CEP192: variants seen among roughly 807,000 people sequenced by gnomAD.
CEP192 encodes the protein centrosomal protein 192.
CEP192 carries 151 observed loss-of-function variants against 271.8 expected under a neutral mutation model. That is an observed-to-expected ratio of 0.56 (90% CI 0.49 to 0.64). CEP192 has a LOEUF of 0.64. Among genes scored for constraint, CEP192 ranks in the 30% least tolerant of loss-of-function variants. The probability of loss-of-function intolerance (pLI) is 0.00; values close to 1 mark genes in which losing one functional copy is unlikely to be tolerated. For synonymous variants in CEP192, 995 were observed against 1,076.5 expected, an observed-to-expected ratio of 0.92 and a Z score of 1.48; for missense variants, 2,910 against 3,020.5, an observed-to-expected ratio of 0.96 and a Z score of 0.86.
intron 42 of CEP192, among the ~76,000 whole-genome samples, chr18:13,115,474 T>G (rs1436171387): frequency 1.3e-5 from 2 of 152,020 alleles, no homozygotes; most frequent in African/African-American, 4.8e-5. Context: ...AGGTGTTTGC[T>G]TTTCTGGAGA....
chr18:13,006,374 A>G (rs2033980398), intron 3 of CEP192, among the ~76,000 whole-genome samples: 10 of 152,000 alleles, frequency 6.6e-5, no homozygotes. Flanking sequence ...TCTTTCAACC[A>G]AACGTGGATG....
intron 30 of CEP192, among the ~76,000 whole-genome samples, chr18:13,080,177 G>A (rs1230023095): frequency 6.6e-6 from 1 of 152,176 alleles, no homozygotes; most frequent in Non-Finnish European, 1.5e-5. Flanking sequence ...TGTGAAGAAA[G>A]TCACTGGTAG....
chr18:13,093,116 G>C (rs1193000555), intron 34 of CEP192, among the ~76,000 whole-genome samples: 1 of 152,076 alleles, frequency 6.6e-6, no homozygotes, highest in Non-Finnish European at 1.5e-5. Context: ...CCAAGATGGG[G>C]ACATTGCATT....
intron 24 of CEP192, 145 bp downstream of exon 24, chr18:13,068,567 A>T: frequency 1.3e-6 from 1 of 771,002 alleles, no homozygotes; most frequent in Non-Finnish European, 2.1e-6. Context: ...GGCAGATGGC[A>T]TGCTGTTTTG....
intron 30 of CEP192, among the ~76,000 whole-genome samples, chr18:13,074,026 A>C (rs2038145806): frequency 6.6e-6 from 1 of 152,218 alleles, no homozygotes; most frequent in African/African-American, 2.4e-5. Context: ...AAAGTGATAA[A>C]TCATAGAGGA....
chr18:13,050,696 C>T (rs992571025), intron 17 of CEP192, among the ~76,000 whole-genome samples: 15 of 152,074 alleles, frequency 9.9e-5, no homozygotes, highest in African/African-American at 3.4e-4. Flanking sequence ...TCTCCTGCCT[C>T]GGTCTCCCGA....
chr18:13,117,757 A>G (rs1187475090), intron 44 of CEP192, 114 bp downstream of exon 44: 3 of 741,262 alleles, frequency 4.0e-6, no homozygotes, highest in East Asian at 5.1e-5. Flanking sequence ...CCTCACCAGC[A>G]CCAAACAGCA....
intron 27 of CEP192, among the ~76,000 whole-genome samples, chr18:13,070,118 A>T (rs186165004): frequency 1.3e-5 from 2 of 151,916 alleles, no homozygotes; most frequent in East Asian, 3.9e-4. Flanking sequence ...CCAAGATCAC[A>T]CCTCTGCACT....
intron 18 of CEP192, 25 bp from the exon 19 acceptor site, chr18:13,055,755 T>G: frequency 6.7e-7 from 1 of 1,484,434 alleles, no homozygotes; most frequent in Non-Finnish European, 9.0e-7. Flanking sequence ...TGTGGATTAT[T>G]AAAAACAAAT....
chr18:12,998,267 C>A (rs1371729597), intron 1 of CEP192, among the ~76,000 whole-genome samples: 1 of 152,148 alleles, frequency 6.6e-6, no homozygotes, highest in Non-Finnish European at 1.5e-5. Context: ...TCCAACACAC[C>A]GTTTCAGACT....
In CEP192 at chr18:13,029,995, T is replaced by G. The variant is rs1189076672; in HGVS notation, c.1383T>G (p.Asn461Lys). The change falls in exon 10 of 45, where the codon AAT becomes AAG. Residue 461 changes from asparagine (N) to lysine (K), a missense_variant. Transcript: ENST00000506447. ...AATGTCACGAGTCCATCGAAAAGAA[T>G]AAAGACAGTAAGTGGACTTTTTAAA... ...TCECHESIEK[N>K]KDKTDLPQSV... 1.3e-6 allele frequency: 2 copies of G among 1,543,832 alleles called. No homozygotes were observed. The highest frequency in any genetic ancestry group is 4.9e-5 in the East Asian group (2 of 40,764).
chr18:13,072,685 G>T, intron 28 of CEP192, 70 bp from the exon 29 acceptor site: 1 of 1,076,670 alleles, frequency 9.3e-7, no homozygotes, highest in South Asian at 1.3e-5. Context: ...GGTTTTAATT[G>T]GCTTTATTCT....
chr18:13,099,602 G>T (rs1555742352), intron 37 of CEP192, 21 bp downstream of exon 37: 15 of 1,153,642 alleles, frequency 1.3e-5, no homozygotes, highest in South Asian at 3.1e-5. Context: ...AAGTGGTTTG[G>T]TTTTTTTTTT....
intron 9 of CEP192, among the ~76,000 whole-genome samples, chr18:13,024,525 C>T (rs1217475117): frequency 2.0e-5 from 3 of 151,986 alleles, no homozygotes; most frequent in Non-Finnish European, 2.9e-5. Context: ...TGCAGTGGTG[C>T]AATCTCGGCT....
At chr18:13,055,535 C>T (rs2037047031) in intron 18 of CEP192, among the ~76,000 whole-genome samples, 1 of 152,186 alleles carries the variant, frequency 6.6e-6, no homozygotes, top group African/African-American at 2.4e-5. Context: ...TTCAGATATT[C>T]TTAGTGTATA....
chr18:13,112,289 A>G (rs1424364258), intron 40 of CEP192, among the ~76,000 whole-genome samples: 1 of 152,238 alleles, frequency 6.6e-6, no homozygotes, highest in Non-Finnish European at 1.5e-5. Flanking sequence ...TTTGGCAGTG[A>G]AAAGGAATGG....
chr18:13,112,883 T>C (rs1011788762), intron 40 of CEP192, among the ~76,000 whole-genome samples: 1 of 152,272 alleles, frequency 6.6e-6, no homozygotes, highest in Non-Finnish European at 1.5e-5. Flanking sequence ...GTTAACTGAT[T>C]CATTGTTAAG....
At chr18:13,004,140 A>T (rs1331167421) in intron 3 of CEP192, among the ~76,000 whole-genome samples, 3 of 152,202 alleles carry the variant, frequency 2.0e-5, no homozygotes, top group Non-Finnish European at 4.4e-5. Flanking sequence ...AGTTTGGTGT[A>T]AGTAGGGACA....
intron 34 of CEP192, among the ~76,000 whole-genome samples, chr18:13,093,319 AAAC>A (rs2039240146): frequency 1.3e-5 from 2 of 152,370 alleles, no homozygotes; most frequent in South Asian, 4.1e-4. Context: ...TTAAATGACA[AAAC>A]AACAACAAAA....
Sources: gnomAD v4.1 joint callset for allele counts (sites outside exome capture counted in the v4.1 genomes callset) on GRCh38, gnomAD v4.1.1 for gene constraint, MANE v1.5 for transcripts, NCBI Gene and HGNC (gene_info 2026-07-23, HGNC 2026-07-21) for gene names.